The following CREB5 variants were observed in gnomAD, a reference collection of about 807,000 sequenced individuals.
CREB5 encodes cAMP responsive element binding protein 5.
A neutral mutation model predicts 57.1 loss-of-function variants in CREB5; 19 were observed. The observed-to-expected ratio is 0.33, with a 90% CI of 0.23 to 0.49. The LOEUF (loss-of-function observed/expected upper bound fraction) is 0.49. Ranked by LOEUF, CREB5 falls within the 20% of genes least tolerant of loss-of-function variation. The pLI is 0.99. For synonymous variants in CREB5, 238 were observed against 238.3 expected (o/e 1.00, Z 0.01); for missense variants, 579 against 671.6 (o/e 0.86, Z 1.52).
upstream of CREB5, chr7:28,409,736 G>T (rs1364534265): frequency 8.8e-6 from 3 of 342,844 alleles, no homozygotes; most frequent in Admixed American, 1.2e-4. This position sits in a 1 kb window ranked among gnomAD's most constrained non-coding sequence, Gnocchi z 4.4. Context: ...CCCGCGCCGC[G>T]TGAGTGCCGG....
chr7:28,430,129 C>A (rs1422159375), intron 1 of CREB5, among the ~76,000 whole-genome samples: 2 of 152,174 alleles, frequency 1.3e-5, no homozygotes, highest in African/African-American at 2.4e-5. Context: ...GAAACACACA[C>A]CCTGGCTCCA....
chr7:28,784,339 CTCT>C (rs1272069265), intron 7 of CREB5, among the ~76,000 whole-genome samples: 1 of 85,434 alleles, frequency 1.2e-5, no homozygotes, highest in Admixed American at 1.1e-4. Flanking sequence ...TAATAAACAA[CTCT>C]TTTTTTTTTA....
At chr7:28,783,284 G>C (rs1341799768) in intron 7 of CREB5, among the ~76,000 whole-genome samples, 1 of 152,068 alleles carries the variant, frequency 6.6e-6, no homozygotes, top group African/African-American at 2.4e-5. Flanking sequence ...TGTCACATTT[G>C]CTGCTTGATT....
At chr7:28,372,532 T>C (rs2127994220) in intron 1 of CREB5, among the ~76,000 whole-genome samples, 1 of 152,350 alleles carries the variant, frequency 6.6e-6, no homozygotes, top group Middle Eastern at 3.4e-3. Flanking sequence ...TTGAGAAGGA[T>C]ATATGAATTG....
At chr7:28,575,035 A>G (rs542567468) in intron 5 of CREB5, among the ~76,000 whole-genome samples, 11 of 152,370 alleles carry the variant, frequency 7.2e-5, no homozygotes, top group Middle Eastern at 3.4e-3. Flanking sequence ...GCCAAGACTT[A>G]TAAATTGTAC....
At chr7:28,434,764 T>C (rs1369862957) in intron 1 of CREB5, among the ~76,000 whole-genome samples, 1 of 152,202 alleles carries the variant, frequency 6.6e-6, no homozygotes, top group African/African-American at 2.4e-5. Context: ...ACAAATAATT[T>C]ACAAACGACC....
In CREB5 at chr7:28,700,544, G is replaced by A. The variant is rs757981; in HGVS notation, c.465-18209G>A. Among the ~76,000 whole-genome samples the A allele has an allele frequency of 2.5e-3, 387 of 152,256 alleles. 3 individuals are homozygous for A. The highest frequency in any genetic ancestry group is 8.9e-3 in the African/African-American group (370 of 41,550). Reference sequence around the variant, plus strand: ...CAAAAAAACTTTAAAAATAATTTTAGCTGTGTTTCTGTTGGATCGAATGTT... The same window carrying A: ...CAAAAAAACTTTAAAAATAATTTTAACTGTGTTTCTGTTGGATCGAATGTT... On this transcript the variant is annotated intron_variant, in intron 5 of 10. Coordinates refer to ENST00000357727, the MANE Select transcript of CREB5 (RefSeq NM_182898.4).
chr7:28,786,070 A>G (rs1266081912), intron 7 of CREB5, among the ~76,000 whole-genome samples: 1 of 152,134 alleles, frequency 6.6e-6, no homozygotes, highest in African/African-American at 2.4e-5. Context: ...ATAGTGTCAG[A>G]GGCTGAAAGA....
intron 1 of CREB5, among the ~76,000 whole-genome samples, chr7:28,455,581 G>A (rs1439576645): frequency 3.9e-5 from 6 of 152,192 alleles, no homozygotes; most frequent in Non-Finnish European, 7.3e-5. Flanking sequence ...ATAGGTATGA[G>A]CCTGGCAGAG....
intron 7 of CREB5, among the ~76,000 whole-genome samples, chr7:28,793,421 A>G (rs948027577): frequency 7.2e-5 from 11 of 152,310 alleles, no homozygotes; most frequent in East Asian, 5.8e-4. Flanking sequence ...AGAACACCGA[A>G]TGTCTACGAC....
At chr7:28,791,837 T>C (rs1173538104) in intron 7 of CREB5, among the ~76,000 whole-genome samples, 2 of 152,218 alleles carry the variant, frequency 1.3e-5, no homozygotes, top group Non-Finnish European at 2.9e-5. Flanking sequence ...GTTGTGACAA[T>C]GTGATTTAAG....
chr7:28,628,370 C>G (rs1458180856), intron 5 of CREB5, among the ~76,000 whole-genome samples: 1 of 152,168 alleles, frequency 6.6e-6, no homozygotes, highest in Non-Finnish European at 1.5e-5. Context: ...TTGTCTGTCT[C>G]CTGTCTGGTC....
chr7:28,405,892 C>T (rs1787569227), intron 1 of CREB5, among the ~76,000 whole-genome samples: 1 of 152,154 alleles, frequency 6.6e-6, no homozygotes, highest in African/African-American at 2.4e-5. Context: ...CAGACGCTTG[C>T]ATCAGAATCA....
chr7:28,341,263 C>A (rs1429547048), intron 1 of CREB5, among the ~76,000 whole-genome samples: 1 of 152,186 alleles, frequency 6.6e-6, no homozygotes, highest in African/African-American at 2.4e-5. Context: ...TTTTTTTCTA[C>A]TGATTTTCAT....
chr7:28,388,500 G>A (rs1787154343), intron 1 of CREB5, among the ~76,000 whole-genome samples: 2 of 152,144 alleles, frequency 1.3e-5, no homozygotes, highest in Admixed American at 6.5e-5. Flanking sequence ...TTTCCAGCCC[G>A]TAATGAGCTC....
At chr7:28,495,043 T>G in intron 3 of CREB5, 44 bp downstream of exon 3, 61 of 1,309,730 alleles carry the variant, frequency 4.7e-5, no homozygotes, top group Non-Finnish European at 5.8e-5. Context: ...ATCAGATCTG[T>G]TCCATGCGAG....
In CREB5 at chr7:28,306,555, G is replaced by GTTTTTT. The variant is rs869277871; in HGVS notation, c.-25+7132_-25+7137dup. Among the ~76,000 whole-genome samples, 75 of 58,074 alleles carry GTTTTTT rather than the reference G, an allele frequency of 1.3e-3. 4 individuals carry two copies. The highest frequency in any genetic ancestry group is 0.014 in the Middle Eastern group (1 of 74). The allele number at this position is 58,074 out of a possible 152,430, so 38.1% of individuals were successfully genotyped here. On this transcript the variant is annotated intron_variant, in intron 1 of 9. Coordinates refer to the CREB5 transcript ENST00000396299. ...ATACAGATACAGTTTTGTTTTTTTT[G>GTTTTTT]TTTTTTTTTTTTTTTTTTTTTTTGA...
chr7:28,371,382 G>A (rs944089391), intron 1 of CREB5, among the ~76,000 whole-genome samples: 4 of 151,888 alleles, frequency 2.6e-5, no homozygotes, highest in East Asian at 1.9e-4. Flanking sequence ...CCAACTACTC[G>A]GGAGGTTGAG....
intron 1 of CREB5, among the ~76,000 whole-genome samples, chr7:28,325,758 C>T (rs1206908874): frequency 6.6e-6 from 1 of 152,246 alleles, no homozygotes; most frequent in Admixed American, 6.5e-5. Context: ...CTTCTTCTCA[C>T]TCAGATGCTG....
Sources: gnomAD v4.1 joint callset for allele counts (sites outside exome capture counted in the v4.1 genomes callset) on GRCh38, gnomAD v4.1.1 for gene constraint, Gnocchi (gnomAD v3.1) non-coding constraint, MANE v1.5 for transcripts, NCBI Gene and HGNC (gene_info 2026-07-23, HGNC 2026-07-21) for gene names.